DNAJB4: variants seen among roughly 807,000 people sequenced by gnomAD.
The protein encoded by DNAJB4 is dnaJ homolog subfamily B member 4.
In DNAJB4, 10 loss-of-function variants were observed where a neutral mutation model predicts 26.6. That is an observed-to-expected ratio of 0.38 (90% CI 0.23 to 0.64). The LOEUF is 0.64. DNAJB4 is among the 30% of genes least tolerant of loss of function. The pLI is 0.58. For synonymous variants in DNAJB4, 136 were observed against 134.8 expected, an observed-to-expected ratio of 1.01 and a Z score of -0.06; for missense variants, 328 against 408.2, an observed-to-expected ratio of 0.80 and a Z score of 1.69.
At chr1:78,012,981 TAC>T in intron 1 of DNAJB4, 68 bp from the exon 2 acceptor site, 1 of 1,379,560 alleles carries the variant, frequency 7.2e-7, no homozygotes, top group Non-Finnish European at 9.7e-7. Context: ...TTATTAGCAA[TAC>T]AGTTTTTGAA....
Position 78,016,303 on chromosome 1 carries a change from G to C in DNAJB4, c.*56G>C. The C allele has an allele frequency of 1.4e-6, 2 of 1,424,984 alleles. No homozygotes were observed. The highest frequency in any genetic ancestry group is 2.0e-6 in the Non-Finnish European group (2 of 1,024,486). The allele number at this position is 1,424,984 out of a possible 1,614,324, so 88.3% of individuals were successfully genotyped here. On this transcript the variant is annotated 3_prime_UTR_variant, in exon 3 of 3. Coordinates refer to ENST00000370763, the MANE Select transcript of DNAJB4 (RefSeq NM_007034.5). ...AAGGCACTGAAAATATAAAAGGACT[G>C]GTAGTTTACTGATGTAGATGTGAAT...
chr1:77,995,801 C>G (rs773561650), intron 1 of DNAJB4, among the ~76,000 whole-genome samples: 1 of 152,078 alleles, frequency 6.6e-6, no homozygotes, highest in African/African-American at 2.4e-5. Context: ...TTTAAATTAG[C>G]TGGGTGTGGT....
chr1:77,983,127 C>T (rs572697012), intron 1 of DNAJB4, among the ~76,000 whole-genome samples: 3 of 152,250 alleles, frequency 2.0e-5, no homozygotes, highest in African/African-American at 4.8e-5. Flanking sequence ...TCAGCAGACA[C>T]GTGAACAAAG....
chr1:77,983,999 T>G (rs1406237105), intron 1 of DNAJB4, among the ~76,000 whole-genome samples: 3 of 152,220 alleles, frequency 2.0e-5, no homozygotes, highest in African/African-American at 7.2e-5. Flanking sequence ...TTTTTTAAAC[T>G]GTTAAAATAA....
At chr1:78,011,405 T>C (rs1006284361) in intron 1 of DNAJB4, among the ~76,000 whole-genome samples, 1 of 152,296 alleles carries the variant, frequency 6.6e-6, no homozygotes, top group Middle Eastern at 3.4e-3. Flanking sequence ...ACAATCGTAG[T>C]GTCTAAAAAA....
rs67649336 is a variant in DNAJB4 at position 77,992,412 on chromosome 1, CAAAA to C, written c.-32+12112_-32+12115del. Among the ~76,000 whole-genome samples, 6 of 47,742 alleles carry C rather than the reference CAAAA, an allele frequency of 1.3e-4. No individual in the cohort carries two copies. In the East Asian group the frequency reaches 2.6e-3, roughly 20 times the overall value. The allele number at this position is 47,742 out of a possible 152,430, so 31.3% of individuals were successfully genotyped here. On this transcript the variant is annotated intron_variant, in intron 1 of 2. Transcript: ENST00000426517. ...TGGGCGACAGAGCGAGACTCCGTCT[CAAAA>C]AAAAAAAAAAAAAAAAAAAAAGAAC... is the stretch of plus-strand genomic sequence containing the variant.
At chr1:77,994,927 A>T (rs1315030461) in intron 1 of DNAJB4, among the ~76,000 whole-genome samples, 1 of 152,184 alleles carries the variant, frequency 6.6e-6, no homozygotes, top group East Asian at 1.9e-4. Flanking sequence ...TGTGAGAGGT[A>T]TGTATGTGTG....
chr1:77,983,368 G>C (rs1659712490), intron 1 of DNAJB4, among the ~76,000 whole-genome samples: 2 of 152,050 alleles, frequency 1.3e-5, no homozygotes, highest in African/African-American at 4.8e-5. Flanking sequence ...TGTCTCAACT[G>C]CAAGAGGCAT....
At chr1:77,986,950 C>T (rs1659805785) in intron 1 of DNAJB4, among the ~76,000 whole-genome samples, 1 of 152,090 alleles carries the variant, frequency 6.6e-6, no homozygotes, top group Non-Finnish European at 1.5e-5. Context: ...AGGTGTCATG[C>T]AGTCATGATT....
Position 78,013,427 on chromosome 1 carries a change from G to A in DNAJB4, c.588G>A (p.Glu196=). The change falls in exon 2 of 3, where the codon GAG becomes GAA. Residue 196 remains glutamate, a synonymous_variant. Transcript: ENST00000370763. ...CTGATGGAAGGAGTTACAGATCTGAGGACAAAATTCTTACCATTGAGATTA... is the reference window on the plus strand; with the variant it reads ...CTGATGGAAGGAGTTACAGATCTGAAGACAAAATTCTTACCATTGAGATTA... ...LNADGRSYRS[E]DKILTIEIKK... 1.2e-6 allele frequency: 2 copies of A among 1,614,036 alleles called. No homozygotes were observed. The highest frequency in any genetic ancestry group is 1.7e-6 in the Non-Finnish European group (2 of 1,180,016).
At chr1:78,015,067 C>A (rs1660598738) in intron 2 of DNAJB4, among the ~76,000 whole-genome samples, 1 of 152,128 alleles carries the variant, frequency 6.6e-6, no homozygotes, top group African/African-American at 2.4e-5. Context: ...TTACAAAAGA[C>A]CTCCATGCTT....
chr1:77,987,091 T>C (rs1196496211), intron 1 of DNAJB4, among the ~76,000 whole-genome samples: 2 of 152,238 alleles, frequency 1.3e-5, no homozygotes, highest in Non-Finnish European at 2.9e-5. Flanking sequence ...TCATACTGGC[T>C]TAGAATAATT....
chr1:78,011,307 C>T (rs917914551), intron 1 of DNAJB4, among the ~76,000 whole-genome samples: 1 of 152,256 alleles, frequency 6.6e-6, no homozygotes, highest in African/African-American at 2.4e-5. Flanking sequence ...TCAAAGTTTA[C>T]AGCTCTTGAT....
At chr1:77,980,488 A>G (rs1223873613) in intron 1 of DNAJB4, among the ~76,000 whole-genome samples, 1 of 152,134 alleles carries the variant, frequency 6.6e-6, no homozygotes, top group Non-Finnish European at 1.5e-5. Flanking sequence ...AGTAAGCTCC[A>G]GGAATCGTGA....
At chr1:77,982,807 A>C (rs891458563) in intron 1 of DNAJB4, among the ~76,000 whole-genome samples, 15 of 144,100 alleles carry the variant, frequency 1.0e-4, no homozygotes, top group African/African-American at 4.4e-4. Flanking sequence ...CAAAAACGAA[A>C]GAAAGAAAGA....
chr1:77,993,819 A>C (rs1315194766), intron 1 of DNAJB4, among the ~76,000 whole-genome samples: 1 of 152,204 alleles, frequency 6.6e-6, no homozygotes, highest in Non-Finnish European at 1.5e-5. Flanking sequence ...AATTTATTTT[A>C]GAGATATATT....
intron 1 of DNAJB4, among the ~76,000 whole-genome samples, chr1:78,009,115 T>A (rs980477361): frequency 1.6e-4 from 24 of 152,326 alleles, no homozygotes; most frequent in South Asian, 4.1e-4. Flanking sequence ...GGATTTTTTT[T>A]AATTCACTGT....
intron 1 of DNAJB4, among the ~76,000 whole-genome samples, chr1:77,987,853 C>T (rs887465357): frequency 2.6e-5 from 4 of 151,206 alleles, no homozygotes; most frequent in African/African-American, 9.7e-5. Context: ...AATTCTTTAA[C>T]CTTTTTTGAG....
intron 1 of DNAJB4, among the ~76,000 whole-genome samples, chr1:78,005,886 C>T (rs769737912): frequency 1.3e-5 from 2 of 152,188 alleles, no homozygotes; most frequent in Admixed American, 1.3e-4. Context: ...CATTTAGCTT[C>T]TAGTTGTTTT....
Sources: allele counts gnomAD v4.1 joint callset (sites outside exome capture counted in the v4.1 genomes callset), GRCh38; gene constraint gnomAD v4.1.1; transcripts MANE v1.5; gene names NCBI Gene and HGNC (gene_info 2026-07-23, HGNC 2026-07-21).